PDE4D: variants seen among roughly 807,000 people sequenced by gnomAD.
The protein encoded by PDE4D is 3',5'-cyclic-AMP phosphodiesterase 4D.
PDE4D carries 24 observed loss-of-function variants against 87.4 expected under a neutral mutation model. The ratio of observed to expected loss-of-function variants is 0.27; its 90% CI spans 0.20 to 0.39. The LOEUF (loss-of-function observed/expected upper bound fraction) is 0.39. Ranked by LOEUF, PDE4D falls within the 10% of genes least tolerant of loss-of-function variation. The pLI, the probability that PDE4D is intolerant of heterozygous loss-of-function variation, is 1.00. For missense variants in PDE4D, 714 were observed against 1,041.0 expected (o/e 0.69, Z 4.32); for synonymous variants, 384 against 383.2 (o/e 1.00, Z -0.02).
At chr5:59,713,200 G>A (rs900921953) in intron 1 of PDE4D, among the ~76,000 whole-genome samples, 1 of 152,156 alleles carries the variant, frequency 6.6e-6, no homozygotes, top group Non-Finnish European at 1.5e-5. Flanking sequence ...AATAGTGACA[G>A]ACATACCTCA....
chr5:59,823,176 C>G (rs1001258113), intron 1 of PDE4D, among the ~76,000 whole-genome samples: 6 of 152,106 alleles, frequency 3.9e-5, no homozygotes, highest in African/African-American at 1.4e-4. Flanking sequence ...GTTCTTGGAG[C>G]TTTAAAAAGA....
At chr5:60,318,271 T>C (rs1755838020) in intron 1 of PDE4D, among the ~76,000 whole-genome samples, 1 of 152,230 alleles carries the variant, frequency 6.6e-6, no homozygotes, top group Non-Finnish European at 1.5e-5. Flanking sequence ...TCTTTGTTGG[T>C]TTAAAGTCTG....
At chr5:59,049,839 TTTC>T (rs558853042) in intron 5 of PDE4D, among the ~76,000 whole-genome samples, 231 of 152,358 alleles carry the variant, frequency 1.5e-3, no homozygotes, top group African/African-American at 5.3e-3. Context: ...CTATCTCTGC[TTTC>T]TTCTTCTTCT....
At chr5:60,374,441 C>T (rs879880015) in intron 1 of PDE4D, among the ~76,000 whole-genome samples, 13 of 152,124 alleles carry the variant, frequency 8.5e-5, no homozygotes, top group Non-Finnish European at 1.2e-4. Flanking sequence ...ATCAAAGAAA[C>T]GTTTATATTG....
At chr5:59,269,397 A>G (rs1025975736) in intron 1 of PDE4D, among the ~76,000 whole-genome samples, 2 of 152,194 alleles carry the variant, frequency 1.3e-5, no homozygotes, top group African/African-American at 4.8e-5. Context: ...CTTAACTATT[A>G]TAGTGATAAC....
intron 2 of PDE4D, among the ~76,000 whole-genome samples, chr5:60,094,014 G>T (rs1775412495): frequency 6.6e-6 from 1 of 151,942 alleles, no homozygotes; most frequent in South Asian, 2.1e-4. Flanking sequence ...CTTATAATCA[G>T]GAAAATCAGC....
chr5:59,414,813 T>C (rs978970049), intron 1 of PDE4D, among the ~76,000 whole-genome samples: 5 of 152,208 alleles, frequency 3.3e-5, no homozygotes, highest in Non-Finnish European at 7.3e-5. Flanking sequence ...ACTCTGGGGC[T>C]ATGGCAGAAG....
At chr5:59,445,309 C>G (rs943092659) in intron 1 of PDE4D, among the ~76,000 whole-genome samples, 1 of 152,152 alleles carries the variant, frequency 6.6e-6, no homozygotes, top group Non-Finnish European at 1.5e-5. Context: ...ATTTTTCATG[C>G]ATTCAAGAAA....
At chr5:59,285,861 T>A (rs114594855) in intron 1 of PDE4D, among the ~76,000 whole-genome samples, 3 of 152,148 alleles carry the variant, frequency 2.0e-5, no homozygotes, top group Non-Finnish European at 4.4e-5. Flanking sequence ...ATGAATGAGA[T>A]GGCTGTTTCT....
intron 3 of PDE4D, among the ~76,000 whole-genome samples, chr5:59,980,856 G>T (rs1310533223): frequency 2.6e-5 from 4 of 152,160 alleles, no homozygotes; most frequent in African/African-American, 9.7e-5. Flanking sequence ...GCTTATTTTA[G>T]ATTAGATTCA....
At chr5:59,444,501 T>C (rs932469854) in intron 1 of PDE4D, among the ~76,000 whole-genome samples, 1 of 152,142 alleles carries the variant, frequency 6.6e-6, no homozygotes, top group Non-Finnish European at 1.5e-5. Flanking sequence ...TTCTTTTGAA[T>C]GTTTAGGAGG....
chr5:59,466,880 C>T (rs550321738), intron 1 of PDE4D, among the ~76,000 whole-genome samples: 1 of 152,224 alleles, frequency 6.6e-6, no homozygotes, highest in East Asian at 1.9e-4. Context: ...ACCCAAAATT[C>T]ATACATTGAA....
At chr5:60,473,735 A>C (rs1748039918) in intron 1 of PDE4D, among the ~76,000 whole-genome samples, 1 of 151,986 alleles carries the variant, frequency 6.6e-6, no homozygotes, top group Non-Finnish European at 1.5e-5. Context: ...CAAAGAGCTC[A>C]TCTGGCATGC....
At chr5:60,130,235 C>G (rs1319194489) in intron 2 of PDE4D, among the ~76,000 whole-genome samples, 4 of 152,168 alleles carry the variant, frequency 2.6e-5, no homozygotes, top group Non-Finnish European at 5.9e-5. Flanking sequence ...TGGACTTAGA[C>G]AGCTCTAAAC....
chr5:60,333,698 C>T (rs1380453819), intron 1 of PDE4D, among the ~76,000 whole-genome samples: 1 of 152,214 alleles, frequency 6.6e-6, no homozygotes, highest in African/African-American at 2.4e-5. Context: ...TTCCTCAATT[C>T]ACCACATGCA....
intron 1 of PDE4D, chr5:59,586,438 C>T: frequency 1.3e-6 from 2 of 1,571,048 alleles, no homozygotes; most frequent in Non-Finnish European, 8.6e-7. Flanking sequence ...GTGATTTTTA[C>T]AGATGAATTC....
At chr5:60,399,848 T>A (rs187695193) in intron 1 of PDE4D, among the ~76,000 whole-genome samples, 371 of 152,376 alleles carry the variant, frequency 2.4e-3, no homozygotes, top group Non-Finnish European at 3.9e-3. Context: ...CTAAGTCTGG[T>A]TCCTACAACT....
At chr5:59,834,976 G>C (rs897201412) in intron 1 of PDE4D, among the ~76,000 whole-genome samples, 6 of 151,866 alleles carry the variant, frequency 4.0e-5, no homozygotes, top group African/African-American at 1.2e-4. Flanking sequence ...CCTGCTTTCA[G>C]GAAAGGATCT....
chr5:60,336,486 G>A, intron 1 of PDE4D, among the ~76,000 whole-genome samples: 1 of 152,310 alleles, frequency 6.6e-6, no homozygotes, highest in East Asian at 1.9e-4. Context: ...ATTTCAGGGT[G>A]CCCGTGCTTC....
Sources: gnomAD v4.1 joint callset for allele counts (sites outside exome capture counted in the v4.1 genomes callset) on GRCh38, gnomAD v4.1.1 for gene constraint, MANE v1.5 for transcripts, NCBI Gene and HGNC (gene_info 2026-07-23, HGNC 2026-07-21) for gene names.